USH2A: variants seen among roughly 807,000 people sequenced by gnomAD.
The protein encoded by USH2A is Usher syndrome 2A (autosomal recessive, mild).
USH2A carries 443 observed loss-of-function variants against 538.9 expected under a neutral mutation model. The ratio of observed to expected loss-of-function variants is 0.82; its 90% CI spans 0.76 to 0.89. The LOEUF (loss-of-function observed/expected upper bound fraction) is 0.89, where lower values mean the gene tolerates loss of function less well. Among genes scored for constraint, USH2A ranks in the 40% least tolerant of loss-of-function variants. USH2A has a pLI of 0.00. For missense variants in USH2A, 6,633 were observed against 6,324.8 expected, an observed-to-expected ratio of 1.05 and a Z score of -1.65; for synonymous variants, 2,413 against 2,273.5, an observed-to-expected ratio of 1.06 and a Z score of -1.75.
chr1:216,126,949 G>C (rs2033266408), intron 21 of USH2A, among the ~76,000 whole-genome samples: 1 of 152,194 alleles, frequency 6.6e-6, no homozygotes, highest in Admixed American at 6.6e-5. Context: ...GTTTGATAAA[G>C]ATGATTCCAT....
chr1:216,362,218 ATTC>A (rs2038505248), intron 4 of USH2A, among the ~76,000 whole-genome samples: 2 of 152,214 alleles, frequency 1.3e-5, no homozygotes, highest in African/African-American at 4.8e-5. Context: ...ACAACATAAT[ATTC>A]TTAACATAAA....
intron 21 of USH2A, among the ~76,000 whole-genome samples, chr1:216,165,061 G>A (rs891375742): frequency 3.9e-5 from 6 of 152,102 alleles, no homozygotes; most frequent in African/African-American, 1.4e-4. Context: ...TTCTGAACTA[G>A]ACTGCCAACA....
At chr1:216,220,094 G>A (rs1263374232) in intron 14 of USH2A, among the ~76,000 whole-genome samples, 1 of 152,018 alleles carries the variant, frequency 6.6e-6, no homozygotes, top group Non-Finnish European at 1.5e-5. Context: ...AACTATTAAT[G>A]AAAGGAATAT....
intron 44 of USH2A, among the ~76,000 whole-genome samples, chr1:215,862,529 G>A (rs1054164549): frequency 1.1e-4 from 16 of 152,086 alleles, no homozygotes; most frequent in South Asian, 4.1e-4. Context: ...AAACCTGCAC[G>A]TTGTGCAGAT....
intron 4 of USH2A, among the ~76,000 whole-genome samples, chr1:216,350,031 G>A (rs1338894616): frequency 6.6e-6 from 1 of 152,098 alleles, no homozygotes; most frequent in Non-Finnish European, 1.5e-5. Context: ...GAGGCCTCAG[G>A]AAGCCCACAA....
At chr1:216,361,077 T>A (rs1276421176) in intron 4 of USH2A, among the ~76,000 whole-genome samples, 1 of 152,062 alleles carries the variant, frequency 6.6e-6, no homozygotes, top group Non-Finnish European at 1.5e-5. Flanking sequence ...TGGGGCAGAA[T>A]AGAAAGTTCA....
chr1:216,048,470 C>A (rs1295581440), intron 31 of USH2A, 64 bp downstream of exon 31: 2 of 1,505,202 alleles, frequency 1.3e-6, no homozygotes, highest in Admixed American at 3.3e-5. Context: ...TAGCATTTAG[C>A]TCTTCTCCTA....
At chr1:215,644,576 C>A (rs538018060) in intron 67 of USH2A, among the ~76,000 whole-genome samples, 1 of 152,134 alleles carries the variant, frequency 6.6e-6, no homozygotes, top group African/African-American at 2.4e-5. Flanking sequence ...AGAGGAGAAA[C>A]CAGGAGAGGG....
At chr1:216,159,438 A>G (rs891115495) in intron 21 of USH2A, among the ~76,000 whole-genome samples, 3 of 151,814 alleles carry the variant, frequency 2.0e-5, no homozygotes, top group African/African-American at 7.3e-5. Context: ...AGAATGTTTC[A>G]TTTTTACTAT....
chr1:216,223,481 C>A (rs978892195), intron 14 of USH2A, among the ~76,000 whole-genome samples: 3 of 152,114 alleles, frequency 2.0e-5, no homozygotes, highest in African/African-American at 7.2e-5. Context: ...TCTGTTTATT[C>A]CCCACCACTT....
chr1:216,410,516 GAAGA>G (rs2039470588), intron 3 of USH2A, among the ~76,000 whole-genome samples: 6 of 152,042 alleles, frequency 3.9e-5, no homozygotes, highest in Admixed American at 3.9e-4. Flanking sequence ...ATCAGGGAAG[GAAGA>G]AAGAAAGAAA....
chr1:216,340,149 A>C (rs2038048850), intron 4 of USH2A, among the ~76,000 whole-genome samples: 1 of 152,112 alleles, frequency 6.6e-6, no homozygotes, highest in African/African-American at 2.4e-5. Flanking sequence ...ATAAAAAATG[A>C]CAAAGGGGAT....
chr1:216,116,031 T>C (rs574861551), intron 21 of USH2A, among the ~76,000 whole-genome samples: 1 of 151,762 alleles, frequency 6.6e-6, no homozygotes, highest in South Asian at 2.1e-4. Flanking sequence ...TTAGTACTAA[T>C]TGTAGTTATA....
In USH2A at chr1:216,002,856, T is replaced by A. The variant is rs370696306; in HGVS notation, c.6326-2294A>T. 3.6e-3 allele frequency among the ~76,000 whole-genome samples: 549 copies of A among 152,306 alleles called. 4 individuals are homozygous for A. The highest frequency in any genetic ancestry group is 0.013 in the African/African-American group (535 of 41,574). On this transcript the variant is annotated intron_variant, in intron 32 of 71. Transcript: ENST00000307340. ...CTTGCATATCTGGAACTTAGGTATC[T>A]CAAGGTAGGACTTAGGTATCTCAAG...
chr1:216,191,282 T>C (rs1023496904), intron 19 of USH2A, among the ~76,000 whole-genome samples: 7 of 152,000 alleles, frequency 4.6e-5, no homozygotes, highest in East Asian at 1.9e-4. Flanking sequence ...TAAATATAAA[T>C]ACAGATAAAT....
rs367898685 is a variant in USH2A at position 215,745,873 on chromosome 1, G to A, written c.11390-2538C>T. On this transcript the variant is annotated intron_variant, in intron 58 of 71. Coordinates refer to ENST00000307340, the MANE Select transcript of USH2A (RefSeq NM_206933.4). Reference sequence around the variant, plus strand: ...CAGAGCCATTCTTGGAGACTATTCCGAAGCAAGGAAACAAATGATGGATAA... The same window carrying A: ...CAGAGCCATTCTTGGAGACTATTCCAAAGCAAGGAAACAAATGATGGATAA... Among the ~76,000 whole-genome samples, 32 of 152,264 alleles carry A rather than the reference G, an allele frequency of 2.1e-4. No homozygotes were observed. The South Asian group carries it at 2.5e-3, about 12-fold the overall frequency.
rs763490382 is a variant in USH2A, at chr1:216,292,377, CA to C, written c.1645-8del. 5 of 1,612,880 alleles carry C rather than the reference CA, an allele frequency of 3.1e-6. No individual in the cohort carries two copies. The East Asian group carries it at 8.9e-5, about 29-fold the overall frequency. On this transcript the variant is annotated splice_region_variant and splice_polypyrimidine_tract_variant and intron_variant, in intron 9 of 71. Coordinates refer to ENST00000307340, the MANE Select transcript of USH2A (RefSeq NM_206933.4). ...GAGGCAAGCAGCGATCACACTAGAA[CA>C]AAAAATATCAGAACAGTAAAGAAAA...
chr1:215,953,601 A>G (rs1209306221), intron 37 of USH2A, among the ~76,000 whole-genome samples: 2 of 152,266 alleles, frequency 1.3e-5, no homozygotes, highest in East Asian at 3.9e-4. Flanking sequence ...ACCTAAAACC[A>G]TAAAAACCCT....
At chr1:216,070,622 C>G (rs931728952) in intron 29 of USH2A, among the ~76,000 whole-genome samples, 1 of 151,772 alleles carries the variant, frequency 6.6e-6, no homozygotes, top group African/African-American at 2.4e-5. Context: ...CAAGTTCAAG[C>G]AATATAATGA....
Sources: allele counts gnomAD v4.1 joint callset (sites outside exome capture counted in the v4.1 genomes callset), GRCh38; gene constraint gnomAD v4.1.1; transcripts MANE v1.5; gene names NCBI Gene and HGNC (gene_info 2026-07-23, HGNC 2026-07-21).